The following ITPR1 variants were observed in gnomAD, a reference collection of about 807,000 sequenced individuals.
The protein encoded by ITPR1 is inositol 1,4,5-trisphosphate receptor type 1.
A neutral mutation model predicts 318.4 loss-of-function variants in ITPR1; 96 were observed. The ratio of observed to expected loss-of-function variants is 0.30; its 90% CI spans 0.26 to 0.36. The LOEUF is 0.36. Among genes scored for constraint, ITPR1 ranks in the 10% least tolerant of loss-of-function variants. ITPR1 has a pLI of 1.00. For synonymous variants in ITPR1, 1,312 were observed against 1,289.9 expected (o/e 1.02, Z -0.37); for missense variants, 2,440 against 3,460.2 (o/e 0.71, Z 7.40).
chr3:4,782,501 G>GA, intron 49 of ITPR1, 118 bp from the exon 50 acceptor site: 4 of 1,021,330 alleles, frequency 3.9e-6, no homozygotes, highest in Non-Finnish European at 5.6e-6. Flanking sequence ...CCCGATAGGA[G>GA]AGAGTGCGGA....
At chr3:4,575,597 T>C (rs186960594) in intron 4 of ITPR1, among the ~76,000 whole-genome samples, 107 of 152,230 alleles carry the variant, frequency 7.0e-4, no homozygotes, top group African/African-American at 2.3e-3. Context: ...TGTTTTGTTA[T>C]TGTGAAATAT....
chr3:4,637,990 C>G (rs887579219), intron 5 of ITPR1, among the ~76,000 whole-genome samples: 1 of 152,182 alleles, frequency 6.6e-6, no homozygotes, highest in Non-Finnish European at 1.5e-5. Flanking sequence ...TCTCTGATCT[C>G]TACGATGGCC....
At chr3:4,784,592 G>A (rs1369885288) in intron 51 of ITPR1, among the ~76,000 whole-genome samples, 2 of 149,382 alleles carry the variant, frequency 1.3e-5, no homozygotes, top group Non-Finnish European at 3.0e-5. Context: ...TAAAAAAGGT[G>A]TCATGTGGCT....
intron 4 of ITPR1, among the ~76,000 whole-genome samples, chr3:4,561,046 A>T (rs919367257): frequency 6.6e-6 from 1 of 152,196 alleles, no homozygotes; most frequent in Admixed American, 6.5e-5. Context: ...TGTCCATAGA[A>T]CGAGGAGGAG....
intron 4 of ITPR1, among the ~76,000 whole-genome samples, chr3:4,612,063 C>CTTTTTTTT (rs34678180): frequency 9.2e-6 from 1 of 108,562 alleles, no homozygotes; most frequent in Non-Finnish European, 1.7e-5. Context: ...GTATCAGGCC[C>CTTTTTTTT]TTTTTTTTTT....
chr3:4,502,558 AG>A (rs1214360684), intron 2 of ITPR1, among the ~76,000 whole-genome samples: 1 of 151,712 alleles, frequency 6.6e-6, no homozygotes, highest in African/African-American at 2.4e-5. Flanking sequence ...CTCCTGCCTC[AG>A]CCTCCTGAGT....
At chr3:4,687,680 TG>T (rs1465889225) in intron 30 of ITPR1, among the ~76,000 whole-genome samples, 3 of 152,208 alleles carry the variant, frequency 2.0e-5, no homozygotes, top group African/African-American at 7.2e-5. Flanking sequence ...AAAATGGCCA[TG>T]GGTTTTATAG....
intron 60 of ITPR1, chr3:4,830,797 A>G (rs1196033951): frequency 1.8e-5 from 7 of 381,006 alleles, no homozygotes; most frequent in Admixed American, 1.3e-4. Context: ...AGAAAGCAAC[A>G]AGACCATTTT....
At chr3:4,546,541 G>A (rs542771914) in intron 4 of ITPR1, among the ~76,000 whole-genome samples, 1 of 152,282 alleles carries the variant, frequency 6.6e-6, no homozygotes, top group African/African-American at 2.4e-5. Context: ...GTTCACTCTA[G>A]CTGGTGTTCC....
chr3:4,505,841 A>G lies in ITPR1; in HGVS notation c.-16-10635A>G, dbSNP rs142659660. On this transcript the variant is annotated intron_variant, in intron 2 of 61. Coordinates refer to ENST00000649015, the MANE Select transcript of ITPR1 (RefSeq NM_001378452.1). The stretch of plus-strand genomic sequence containing the variant: ...GAAAACATTGTTGGAGTTGGCATTG[A>G]CATGTTGAGGTCAGTACATCTCATG... Among the ~76,000 whole-genome samples, 49 of 152,314 alleles carry G rather than the reference A, an allele frequency of 3.2e-4. No homozygotes were observed. The East Asian group carries it at 7.9e-3, about 25-fold the overall frequency.
chr3:4,524,464 A>G (rs1171811224), intron 4 of ITPR1, among the ~76,000 whole-genome samples: 1 of 152,058 alleles, frequency 6.6e-6, no homozygotes, highest in Non-Finnish European at 1.5e-5. Context: ...TTTCTAGTCC[A>G]TTTCCTCATG....
chr3:4,805,250 TC>T (rs2106476921), intron 54 of ITPR1, among the ~76,000 whole-genome samples: 1 of 152,300 alleles, frequency 6.6e-6, no homozygotes, highest in South Asian at 2.1e-4. Flanking sequence ...TGGCTCTGTG[TC>T]CCCAGTGCTG....
intron 2 of ITPR1, among the ~76,000 whole-genome samples, chr3:4,497,744 C>T (rs926077518): frequency 6.6e-6 from 1 of 152,112 alleles, no homozygotes; most frequent in Admixed American, 6.5e-5. Context: ...GGGACGTGAG[C>T]AGATATTTGT....
chr3:4,531,983 A>G (rs1326796030), intron 4 of ITPR1, among the ~76,000 whole-genome samples: 1 of 152,200 alleles, frequency 6.6e-6, no homozygotes, highest in Non-Finnish European at 1.5e-5. Flanking sequence ...TGGGGAAATT[A>G]TTATGTATAC....
chr3:4,752,057 G>C (rs1194631064), intron 44 of ITPR1, among the ~76,000 whole-genome samples: 1 of 152,174 alleles, frequency 6.6e-6, no homozygotes, highest in Non-Finnish European at 1.5e-5. Context: ...TTTTGATCAA[G>C]ATGGCTCTGA....
chr3:4,694,301 A>G (rs2094523604), intron 33 of ITPR1, among the ~76,000 whole-genome samples: 2 of 136,440 alleles, frequency 1.5e-5, no homozygotes, highest in Admixed American at 1.4e-4. Context: ...TATATTTATG[A>G]TATATAAAGT....
intron 4 of ITPR1, among the ~76,000 whole-genome samples, chr3:4,573,229 T>A (rs1031065392): frequency 2.0e-5 from 3 of 152,224 alleles, no homozygotes; most frequent in Non-Finnish European, 2.9e-5. Flanking sequence ...TTCTAATTTC[T>A]CCACATCTAT....
In ITPR1 at chr3:4,831,131, T is replaced by TCACA. The variant is rs57966467; in HGVS notation, c.8029-5623_8029-5620dup. On this transcript the variant is annotated intron_variant, in intron 60 of 61. Coordinates refer to ENST00000649015, the MANE Select transcript of ITPR1 (RefSeq NM_001378452.1). ...GTCTCTCTCTCTCTCTCTCTCTCTC[T>TCACA]CACACACACACACACACACACACTC... 62 of 349,476 alleles carry TCACA rather than the reference T, an allele frequency of 1.8e-4. 1 individual carries two copies. Among genetic ancestry groups the TCACA allele is most frequent in the African/African-American group, 1.5e-3 (57 of 39,088 alleles). 21.6% of individuals were successfully genotyped at this position (349,476 alleles called of 1,614,324 possible). A position where few individuals can be genotyped will look rare whatever the true frequency, so the allele number is the denominator to read the frequency against.
At chr3:4,584,455 C>T (rs1038113940) in intron 4 of ITPR1, among the ~76,000 whole-genome samples, 1 of 151,954 alleles carries the variant, frequency 6.6e-6, no homozygotes, top group Non-Finnish European at 1.5e-5. Flanking sequence ...TAGTTATATT[C>T]TTTCTGATGA....
Sources: allele counts gnomAD v4.1 joint callset (sites outside exome capture counted in the v4.1 genomes callset), GRCh38; gene constraint gnomAD v4.1.1; transcripts MANE v1.5; gene names NCBI Gene and HGNC (gene_info 2026-07-23, HGNC 2026-07-21).